The following SKI variants were observed in gnomAD, a reference collection of about 807,000 sequenced individuals.
SKI encodes the protein SKI proto-oncogene.
In SKI, 23 loss-of-function variants were observed where a neutral mutation model predicts 59.3. The ratio of observed to expected loss-of-function variants is 0.39; its 90% CI spans 0.28 to 0.55. SKI has a LOEUF of 0.55. Ranked by LOEUF, SKI falls within the 20% of genes least tolerant of loss-of-function variation. The pLI is 0.67. For synonymous variants in SKI, 673 were observed against 488.6 expected (o/e 1.38, Z -4.98); for missense variants, 1,017 against 1,038.9 (o/e 0.98, Z 0.29).
chr1:2,266,913 C>G (rs1639511855), intron 1 of SKI, among the ~76,000 whole-genome samples: 1 of 152,080 alleles, frequency 6.6e-6, no homozygotes, highest in East Asian at 1.9e-4. Flanking sequence ...TTGAGATGGC[C>G]CTGGAGGCCC....
intron 1 of SKI, among the ~76,000 whole-genome samples, chr1:2,299,326 G>A (rs1245872581): frequency 6.6e-6 from 1 of 152,196 alleles, no homozygotes; most frequent in East Asian, 1.9e-4. Context: ...GGAAGTGAGA[G>A]GCGCTGAGGC....
chr1:2,283,447 G>A (rs1400542600), intron 1 of SKI, among the ~76,000 whole-genome samples: 1 of 152,240 alleles, frequency 6.6e-6, no homozygotes. Context: ...TCTTGGAGAG[G>A]TGTTGGCTTT....
chr1:2,266,617 C>T (rs988745931), intron 1 of SKI, among the ~76,000 whole-genome samples: 3 of 152,146 alleles, frequency 2.0e-5, no homozygotes, highest in Non-Finnish European at 2.9e-5. Flanking sequence ...GTCTTGTCTG[C>T]GTTTTTGGCC....
At position 2,293,462 on chromosome 1, in the gene SKI, G is replaced by A. The variant is rs559425735; in HGVS notation, c.970-9516G>A. On this transcript the variant is annotated intron_variant, in intron 1 of 6. Transcript: ENST00000378536. ...AACATCTGGAAGGTTCTCCTGCGTC[G>A]CCCTCTCCTTCCAGGCACATTTGGC... Among the ~76,000 whole-genome samples the A allele has an allele frequency of 1.2e-4, 18 of 149,790 alleles. No homozygotes were observed. The East Asian group carries it at 3.0e-3, about 25-fold the overall frequency.
intron 1 of SKI, among the ~76,000 whole-genome samples, chr1:2,243,128 C>T (rs1394565230): frequency 3.9e-5 from 6 of 152,210 alleles, no homozygotes; most frequent in African/African-American, 1.4e-4. Context: ...CCTTTTTGGG[C>T]CAGCCCTGTG....
At chr1:2,275,409 A>G (rs1368517226) in intron 1 of SKI, among the ~76,000 whole-genome samples, 1 of 152,176 alleles carries the variant, frequency 6.6e-6, no homozygotes, top group Non-Finnish European at 1.5e-5. Flanking sequence ...CTCTGAGGCG[A>G]TCTGGGTGTG....
At chr1:2,283,412 C>T (rs1296684190) in intron 1 of SKI, among the ~76,000 whole-genome samples, 1 of 152,190 alleles carries the variant, frequency 6.6e-6, no homozygotes, top group Non-Finnish European at 1.5e-5. Context: ...GAGGAGGTGG[C>T]AAGCATCGCC....
intron 1 of SKI, among the ~76,000 whole-genome samples, chr1:2,298,462 TG>T (rs1482657622): frequency 2.6e-5 from 4 of 152,166 alleles, no homozygotes; most frequent in Non-Finnish European, 5.9e-5. Context: ...CAGGATGGTC[TG>T]GGGTGTGGCC....
chr1:2,271,948 A>G (rs888787343), intron 1 of SKI, among the ~76,000 whole-genome samples: 1 of 152,020 alleles, frequency 6.6e-6, no homozygotes. Context: ...GGACTGGGAG[A>G]GACACTCCGG....
chr1:2,251,543 C>T (rs760469974), intron 1 of SKI, among the ~76,000 whole-genome samples: 5 of 152,200 alleles, frequency 3.3e-5, no homozygotes, highest in Non-Finnish European at 4.4e-5. Context: ...GTCCCCAGGT[C>T]GTGTGGGGCC....
At chr1:2,246,192 T>A (rs1638991153) in intron 1 of SKI, among the ~76,000 whole-genome samples, 2 of 152,224 alleles carry the variant, frequency 1.3e-5, no homozygotes. Context: ...TTGCATCCTC[T>A]CCAGCACTTG....
chr1:2,266,016 C>T (rs950847889), intron 1 of SKI, among the ~76,000 whole-genome samples: 2 of 151,990 alleles, frequency 1.3e-5, no homozygotes, highest in Non-Finnish European at 2.9e-5. Context: ...GTCTAGACTG[C>T]GTTCAGTTAT....
intron 1 of SKI, among the ~76,000 whole-genome samples, chr1:2,272,783 T>G (rs1180070627): frequency 6.6e-6 from 1 of 152,184 alleles, no homozygotes; most frequent in Non-Finnish European, 1.5e-5. Context: ...CCCCGGCCTA[T>G]GTGTGCTGAC....
In SKI at chr1:2,304,964, G is replaced by A. The variant is rs562192756; in HGVS notation, c.1767+379G>A. 5.3e-5 allele frequency among the ~76,000 whole-genome samples: 8 copies of A among 152,372 alleles called. No individual in the cohort carries two copies. The South Asian group carries it at 1.7e-3, about 32-fold the overall frequency. ...AAAGAGTTGGGAGCAGCTGCATGGA[G>A]ACAGTTCCTTGCTCTGTGTGCTCCA... On this transcript the variant is annotated intron_variant, in intron 5 of 6. Coordinates refer to ENST00000378536, the MANE Select transcript of SKI (RefSeq NM_003036.4).
At chr1:2,244,150 A>G (rs1423508787) in intron 1 of SKI, among the ~76,000 whole-genome samples, 3 of 151,972 alleles carry the variant, frequency 2.0e-5, no homozygotes, top group Non-Finnish European at 4.4e-5. Context: ...TATTTTTAGT[A>G]GAGATGGGGT....
chr1:2,291,646 C>T (rs1569833601), intron 1 of SKI, among the ~76,000 whole-genome samples: 1 of 151,004 alleles, frequency 6.6e-6, no homozygotes, highest in Non-Finnish European at 1.5e-5. Context: ...CTCCTTCCAG[C>T]ACCTTCCCCC....
In SKI at chr1:2,228,749, G is replaced by T; in HGVS notation, c.-18G>T. On this transcript the variant is annotated 5_prime_UTR_variant, in exon 1 of 7. Transcript: ENST00000378536. ...GGGCGCGCGGGAGCGGGAGCGGCCG[G>T]GGGAGCCGGAGCGCACCATGGAGGC... The T allele has an allele frequency of 8.7e-7, 1 of 1,146,666 alleles. No individual in the cohort carries two copies. The highest frequency in any genetic ancestry group is 1.1e-6 in the Non-Finnish European group (1 of 928,470). 71.0% of individuals were successfully genotyped at this position (1,146,666 alleles called of 1,614,324 possible). A position where few individuals can be genotyped will look rare whatever the true frequency, so the allele number is the denominator to read the frequency against.
chr1:2,290,840 G>T, intron 1 of SKI, among the ~76,000 whole-genome samples: 1 of 152,228 alleles, frequency 6.6e-6, no homozygotes, highest in Non-Finnish European at 1.5e-5. Context: ...TCTTAATTGA[G>T]TCCGATTCTT....
Position 2,306,118 on chromosome 1 carries a change from G to A in SKI, c.1866G>A (p.Glu622=), listed in dbSNP as rs748886393. 1.1e-5 allele frequency: 18 copies of A among 1,598,332 alleles called. No individual in the cohort carries two copies. The highest frequency in any genetic ancestry group is 1.4e-5 in the Non-Finnish European group (16 of 1,173,944). ...LRKEIERLRA[E]NEKKMKEANE... is the part of the protein sequence containing the mutation. ...AGGAGATCGAGCGTCTCCGCGCCGA[G>A]AACGAGAAGAAGATGAAAGAGGCCA... is the stretch of plus-strand genomic sequence containing the variant. Residue 622 remains glutamate (E), a synonymous_variant, in exon 6 of 7, where the codon GAG becomes GAA. Coordinates refer to ENST00000378536, the MANE Select transcript of SKI (RefSeq NM_003036.4).
Sources: gnomAD v4.1 joint callset for allele counts (sites outside exome capture counted in the v4.1 genomes callset) on GRCh38, gnomAD v4.1.1 for gene constraint, MANE v1.5 for transcripts, NCBI Gene and HGNC (gene_info 2026-07-23, HGNC 2026-07-21) for gene names.